SINHCAF: variants seen among roughly 807,000 people sequenced by gnomAD.
SINHCAF encodes the protein SIN3-HDAC complex associated factor.
A neutral mutation model predicts 25.8 loss-of-function variants in SINHCAF; 3 were observed. That is an observed-to-expected ratio of 0.12 (90% CI 0.05 to 0.30). The LOEUF is 0.30. Among genes scored for constraint, SINHCAF ranks in the 10% least tolerant of loss-of-function variants. SINHCAF has a pLI of 1.00. For synonymous variants in SINHCAF, 70 were observed against 85.5 expected (o/e 0.82, Z 1.00); for missense variants, 121 against 262.3 (o/e 0.46, Z 3.72).
chr12:31,306,140 A>G (rs1939017747), intron 1 of SINHCAF, among the ~76,000 whole-genome samples: 1 of 152,226 alleles, frequency 6.6e-6, no homozygotes, highest in South Asian at 2.1e-4. Context: ...AGGATGGGCA[A>G]TTGCATTACC....
chr12:31,322,593 C>T (rs948866662), intron 1 of SINHCAF, among the ~76,000 whole-genome samples: 2 of 151,758 alleles, frequency 1.3e-5, no homozygotes, highest in South Asian at 2.1e-4. Context: ...CTATTTACTA[C>T]AGAAATGTAC....
intron 4 of SINHCAF, among the ~76,000 whole-genome samples, chr12:31,291,501 C>T (rs1199325770): frequency 3.3e-5 from 5 of 152,202 alleles, no homozygotes; most frequent in Non-Finnish European, 5.9e-5. Context: ...CGGTGGCTCA[C>T]GCCTGAAATC....
chr12:31,280,953 A>G lies in SINHCAF; in HGVS notation c.*1759T>C, dbSNP rs1484598706. The G allele has an allele frequency of 6.6e-6, 1 of 152,230 alleles. No homozygotes were observed. The highest frequency in any genetic ancestry group is 1.5e-5 in the Non-Finnish European group (1 of 68,046). 9.4% of individuals were successfully genotyped at this position (152,230 alleles called of 1,614,324 possible). A position where few individuals can be genotyped will look rare whatever the true frequency, so the allele number is the denominator to read the frequency against. On this transcript the variant is annotated 3_prime_UTR_variant, in exon 6 of 6. Transcript: ENST00000337682. ...TGGGAGAGCCAACTCAACTCACTGT[A>G]TAGTCTGTGCATATGGTGGCTTGTA...
intron 1 of SINHCAF, among the ~76,000 whole-genome samples, chr12:31,309,826 C>T (rs892882154): frequency 3.9e-5 from 6 of 151,930 alleles, no homozygotes; most frequent in African/African-American, 1.5e-4. Flanking sequence ...CCACCACGCT[C>T]GGCTAATTTT....
chr12:31,283,245 T>A (rs570252570), intron 5 of SINHCAF, among the ~76,000 whole-genome samples: 35 of 152,266 alleles, frequency 2.3e-4, no homozygotes, highest in African/African-American at 7.9e-4. Flanking sequence ...ATATTTAATT[T>A]TTTTTCTTTA....
chr12:31,324,957 G>C lies in SINHCAF; in HGVS notation c.-21+1067C>G, dbSNP rs937476916. The C allele has an allele frequency of 8.8e-6, 4 of 456,444 alleles. No homozygotes were observed. Among genetic ancestry groups the C allele is most frequent in the Admixed American group, 4.7e-5 (2 of 42,556 alleles). The allele number at this position is 456,444 out of a possible 1,614,324, so 28.3% of individuals were successfully genotyped here. A position where few individuals can be genotyped will look rare whatever the true frequency, so the allele number is the denominator to read the frequency against. On this transcript the variant is annotated intron_variant, in intron 1 of 5. Transcript: ENST00000337682. This position sits in a 1 kb window ranked among gnomAD's most constrained non-coding sequence, Gnocchi z 5.5. ...GCAAACCACATTGTCCTGCCGGCCGGACCTGCCCGACGGCGGCCGCATCCC... is the reference window on the plus strand; with the variant it reads ...GCAAACCACATTGTCCTGCCGGCCGCACCTGCCCGACGGCGGCCGCATCCC...
At chr12:31,297,467 A>ATTTTTTTTTTTTT (rs777087270) in intron 2 of SINHCAF, among the ~76,000 whole-genome samples, 8 of 103,428 alleles carry the variant, frequency 7.7e-5, no homozygotes, top group African/African-American at 3.0e-4. Flanking sequence ...GTCAAGCGTA[A>ATTTTTTTTTTTTT]TTTTTTTTTT....
rs1938626091 is a variant in SINHCAF, at chr12:31,298,234, C to G, written c.-20-10G>C. The G allele has an allele frequency of 3.1e-6, 5 of 1,613,176 alleles. No homozygotes were observed. The highest frequency in any genetic ancestry group is 4.2e-6 in the Non-Finnish European group (5 of 1,179,868). ...TCTTCTGGGCAATAGTCTGTAAAGCCAAGGGAATTGACATATCTTTGTTGA... is the reference window on the plus strand; with the variant it reads ...TCTTCTGGGCAATAGTCTGTAAAGCGAAGGGAATTGACATATCTTTGTTGA... On this transcript the variant is annotated splice_polypyrimidine_tract_variant and intron_variant, in intron 1 of 5. Coordinates refer to ENST00000337682, the MANE Select transcript of SINHCAF (RefSeq NM_001135812.2).
chr12:31,311,812 G>T, intron 1 of SINHCAF: 1 of 488,234 alleles, frequency 2.0e-6, no homozygotes, highest in South Asian at 1.8e-5. Context: ...TGGGGTGGTG[G>T]GTCAGACCAA....
At position 31,283,325 on chromosome 12, in the gene SINHCAF, G is replaced by A. The variant is rs149356162; in HGVS notation, c.507-454C>T. 5.4e-3 allele frequency among the ~76,000 whole-genome samples: 825 copies of A among 152,114 alleles called. 6 individuals carry two copies. Among genetic ancestry groups the A allele is most frequent in the African/African-American group, 0.018 (766 of 41,474 alleles). On this transcript the variant is annotated intron_variant, in intron 5 of 5. Transcript: ENST00000337682. Reference sequence around the variant, plus strand: ...GTAGATAAAAATACATGTGTGGGCCGGGTGTGGTGGCTTACACCTGTAATC... The same window carrying A: ...GTAGATAAAAATACATGTGTGGGCCAGGTGTGGTGGCTTACACCTGTAATC...
At chr12:31,317,215 C>G (rs536368411) in intron 1 of SINHCAF, among the ~76,000 whole-genome samples, 1 of 152,236 alleles carries the variant, frequency 6.6e-6, no homozygotes. Flanking sequence ...AACTGAAATT[C>G]TGATATGCAC....
Position 31,308,843 on chromosome 12 carries a change from C to G in SINHCAF, c.-20-10619G>C, listed in dbSNP as rs188149471. Among the ~76,000 whole-genome samples the G allele has an allele frequency of 5.9e-5, 9 of 152,100 alleles. No individual in the cohort carries two copies. In the East Asian group the frequency reaches 1.7e-3, roughly 29 times the overall value. On this transcript the variant is annotated intron_variant, in intron 1 of 5. Transcript: ENST00000337682. The stretch of plus-strand genomic sequence containing the variant: ...GAGATCCGCAACTGAAAAATATCGT[C>G]AGGGACAGGCACAGTGGCTCACACC...
At chr12:31,298,316 A>C in intron 1 of SINHCAF, 92 bp from the exon 2 acceptor site, 1 of 1,488,432 alleles carries the variant, frequency 6.7e-7, no homozygotes, top group Non-Finnish European at 9.2e-7. Context: ...CCCCCAAGCA[A>C]CTTGGTGTTA....
chr12:31,308,551 T>C (rs1448612632), intron 1 of SINHCAF, among the ~76,000 whole-genome samples: 2 of 152,150 alleles, frequency 1.3e-5, no homozygotes, highest in East Asian at 3.9e-4. Flanking sequence ...TAATGGTCAA[T>C]TGTTGAAGTA....
intron 4 of SINHCAF, among the ~76,000 whole-genome samples, chr12:31,291,254 GAC>G (rs1487807317): frequency 2.0e-5 from 3 of 152,314 alleles, no homozygotes; most frequent in South Asian, 2.1e-4. Context: ...TGAAAAGGAT[GAC>G]ACAAAAAGAA....
intron 1 of SINHCAF, among the ~76,000 whole-genome samples, chr12:31,318,877 T>G (rs1213914056): frequency 6.6e-6 from 1 of 152,260 alleles, no homozygotes; most frequent in African/African-American, 2.4e-5. Flanking sequence ...CTAATTTTAT[T>G]TGCCCTTCTG....
intron 4 of SINHCAF, among the ~76,000 whole-genome samples, chr12:31,291,045 T>C (rs1467917991): frequency 6.6e-6 from 1 of 152,096 alleles, no homozygotes; most frequent in African/African-American, 2.4e-5. Context: ...GTCTTAAAAA[T>C]TACGTAGGAT....
chr12:31,318,012 C>A (rs1390858233), intron 1 of SINHCAF, among the ~76,000 whole-genome samples: 2 of 152,188 alleles, frequency 1.3e-5, no homozygotes, highest in Non-Finnish European at 2.9e-5. Flanking sequence ...CGATCACAAA[C>A]TGTGGGGATA....
chr12:31,288,746 A>T (rs1592957550), intron 4 of SINHCAF, among the ~76,000 whole-genome samples: 2 of 152,342 alleles, frequency 1.3e-5, no homozygotes, highest in East Asian at 3.9e-4. Context: ...TAATCTGAAA[A>T]TGTCCAGGTT....
Sources: allele counts gnomAD v4.1 joint callset (sites outside exome capture counted in the v4.1 genomes callset), GRCh38; gene constraint gnomAD v4.1.1; non-coding constraint Gnocchi (gnomAD v3.1); transcripts MANE v1.5; gene names NCBI Gene and HGNC (gene_info 2026-07-23, HGNC 2026-07-21).